The following RBM20 variants were observed in gnomAD, a reference collection of about 807,000 sequenced individuals.
The protein encoded by RBM20 is RNA binding motif protein 20, also known as RNA-binding protein 20.
RBM20 carries 51 observed loss-of-function variants against 110.1 expected under a neutral mutation model. The observed-to-expected ratio is 0.46, with a 90% CI of 0.37 to 0.59. The LOEUF (loss-of-function observed/expected upper bound fraction) is 0.59. Among genes scored for constraint, RBM20 ranks in the 20% least tolerant of loss-of-function variants. The pLI is 0.00. For missense variants in RBM20, 1,512 were observed against 1,574.9 expected (o/e 0.96, Z 0.68); for synonymous variants, 589 against 618.2 (o/e 0.95, Z 0.70).
At chr10:110,767,773 C>CGGCCG (rs1564840056) in intron 1 of RBM20, among the ~76,000 whole-genome samples, 1 of 152,068 alleles carries the variant, frequency 6.6e-6, no homozygotes, top group African/African-American at 2.4e-5. Context: ...GATGGGATGG[C>CGGCCG]AGCCGAGAAG....
intron 5 of RBM20, among the ~76,000 whole-genome samples, chr10:110,786,010 C>G (rs1251650460): frequency 6.6e-6 from 1 of 152,170 alleles, no homozygotes; most frequent in Non-Finnish European, 1.5e-5. Flanking sequence ...GTTTTGCTGT[C>G]TCTGCAACAT....
chr10:110,732,638 G>A (rs929556724), intron 1 of RBM20, among the ~76,000 whole-genome samples: 15 of 152,112 alleles, frequency 9.9e-5, no homozygotes, highest in African/African-American at 2.7e-4. Context: ...GTGAGTCACC[G>A]CCACATAAAT....
At chr10:110,741,640 G>T (rs548577069) in intron 1 of RBM20, among the ~76,000 whole-genome samples, 1 of 152,202 alleles carries the variant, frequency 6.6e-6, no homozygotes, top group East Asian at 1.9e-4. Context: ...CAAGCCTTCT[G>T]CCATTTGTCA....
Position 110,781,385 on chromosome 10 carries a change from G to T in RBM20, c.776G>T (p.Gly259Val), listed in dbSNP as rs940901720. Residue 259 changes from glycine (G) to valine (V), a missense_variant, in exon 2 of 14, where the codon GGC (glycine) becomes GTC (valine). Coordinates refer to ENST00000369519, the MANE Select transcript of RBM20 (RefSeq NM_001134363.3). The stretch of plus-strand genomic sequence containing the variant: ...CTGCCATCCTCGGCCTCAACCTCGG[G>T]CAGTGTGACCTATGAAGGGCACTAC... Reference protein sequence around the residue: ...GFLPSSASTSGSVTYEGHYSH... With the variant: ...GFLPSSASTSVSVTYEGHYSH... The T allele has an allele frequency of 7.7e-6, 12 of 1,551,686 alleles. No homozygotes were observed. Among genetic ancestry groups the T allele is most frequent in the Middle Eastern group, 1.7e-4 (1 of 5,992 alleles).
intron 1 of RBM20, among the ~76,000 whole-genome samples, chr10:110,673,650 G>A (rs781569213): frequency 6.6e-6 from 1 of 152,254 alleles, no homozygotes; most frequent in Non-Finnish European, 1.5e-5. Flanking sequence ...CAGGCGAGGA[G>A]AGCTTAGAAG....
chr10:110,732,293 C>T (rs1037938503), intron 1 of RBM20, among the ~76,000 whole-genome samples: 6 of 152,138 alleles, frequency 3.9e-5, no homozygotes, highest in African/African-American at 7.2e-5. Flanking sequence ...CTTTCTCTGA[C>T]GCGCTGTCAG....
chr10:110,788,337 A>G (rs1243677771), intron 5 of RBM20, among the ~76,000 whole-genome samples: 1 of 152,224 alleles, frequency 6.6e-6, no homozygotes, highest in African/African-American at 2.4e-5. Context: ...CCTGGTATCC[A>G]CATTCTTCTG....
In RBM20 at chr10:110,821,307, G is replaced by T. The variant is rs950962230; in HGVS notation, c.2688G>T (p.Glu896Asp). 4.5e-6 allele frequency: 7 copies of T among 1,551,570 alleles called. No homozygotes were observed. The African/African-American group carries it at 9.6e-5, about 21-fold the overall frequency. The change falls in exon 11 of 14, where the codon GAG (glutamate) becomes GAT (aspartate). Residue 896 changes from glutamate to aspartate, a missense_variant. Transcript: ENST00000369519. ...EQDWESESEA[E>D]GESWYPTNME... ...ATTGGGAGAGTGAAAGTGAGGCAGA[G>T]GGGGAGAGCTGGTATCCCACTAACA...
chr10:110,702,496 C>T (rs1039768471), intron 1 of RBM20, among the ~76,000 whole-genome samples: 1 of 152,072 alleles, frequency 6.6e-6, no homozygotes, highest in Admixed American at 6.5e-5. Flanking sequence ...GGATGGCGAC[C>T]GTGCACTGCA....
At chr10:110,648,905 ACATTATTCC>A (rs1466767261) in intron 1 of RBM20, among the ~76,000 whole-genome samples, 2 of 152,216 alleles carry the variant, frequency 1.3e-5, no homozygotes, top group African/African-American at 4.8e-5. Context: ...GAAATGTAGT[ACATTATTCC>A]CATTAGTCAC....
Position 110,644,811 on chromosome 10 carries a change from T to G in RBM20, c.191+166T>G, listed in dbSNP as rs1247470784. Among the ~76,000 whole-genome samples, 3 of 152,164 alleles carry G rather than the reference T, an allele frequency of 2.0e-5. No individual in the cohort carries two copies. The highest frequency in any genetic ancestry group is 4.4e-5 in the Non-Finnish European group (3 of 68,004). On this transcript the variant is annotated intron_variant, in intron 1 of 13. Transcript: ENST00000369519. This position sits in a 1 kb window ranked among gnomAD's most constrained non-coding sequence, Gnocchi z 4.3. ...CAGAGTCGGTGTCCTTCTGGCTGTT[T>G]GTTAGGCTGGAAAGAGGGGAGCCAA... is the stretch of plus-strand genomic sequence containing the variant.
intron 1 of RBM20, among the ~76,000 whole-genome samples, chr10:110,770,254 A>T (rs914605013): frequency 6.6e-6 from 1 of 152,138 alleles, no homozygotes; most frequent in Admixed American, 6.5e-5. Flanking sequence ...AATTTGAATT[A>T]CTGCTGTTAT....
intron 12 of RBM20, among the ~76,000 whole-genome samples, chr10:110,828,270 T>C (rs1215887272): frequency 2.6e-5 from 4 of 152,234 alleles, no homozygotes; most frequent in Non-Finnish European, 5.9e-5. Context: ...GCAATATGTC[T>C]TGATGCTGCC....
chr10:110,806,365 T>C (rs1844695310), intron 7 of RBM20, among the ~76,000 whole-genome samples: 1 of 152,040 alleles, frequency 6.6e-6, no homozygotes, highest in Non-Finnish European at 1.5e-5. Context: ...AACATGGCTG[T>C]GGAGGCCTCA....
At chr10:110,835,714 C>A in intron 13 of RBM20, 154 bp from the exon 14 acceptor site, 1 of 608,292 alleles carries the variant, frequency 1.6e-6, no homozygotes, top group Non-Finnish European at 2.8e-6. Flanking sequence ...AGTTCTGTAG[C>A]CCCAGTGGGG....
At chr10:110,689,041 C>A (rs376994801) in intron 1 of RBM20, among the ~76,000 whole-genome samples, 2 of 151,674 alleles carry the variant, frequency 1.3e-5, no homozygotes, top group East Asian at 3.9e-4. Flanking sequence ...AAAAATTAAA[C>A]TTTGTATTTT....
intron 1 of RBM20, among the ~76,000 whole-genome samples, chr10:110,720,453 T>C (rs1843492210): frequency 6.6e-6 from 1 of 152,226 alleles, no homozygotes; most frequent in Non-Finnish European, 1.5e-5. Flanking sequence ...GACTGGAACA[T>C]AGCCATGGGC....
intron 1 of RBM20, among the ~76,000 whole-genome samples, chr10:110,715,065 T>C (rs148333634): frequency 0.014 from 2,190 of 152,264 alleles, 60 homozygotes; most frequent in African/African-American, 0.05. Context: ...CTGGTCAACA[T>C]GGTGAAACCC....
intron 1 of RBM20, among the ~76,000 whole-genome samples, chr10:110,727,419 A>AAAAAAAAT (rs377734576): frequency 6.8e-6 from 1 of 146,726 alleles, no homozygotes; most frequent in African/African-American, 2.5e-5. Flanking sequence ...AAATAAAAAA[A>AAAAAAAAT]AAATAAATAA....
Sources: allele counts gnomAD v4.1 joint callset (sites outside exome capture counted in the v4.1 genomes callset), GRCh38; gene constraint gnomAD v4.1.1; non-coding constraint Gnocchi (gnomAD v3.1); transcripts MANE v1.5; gene names NCBI Gene and HGNC (gene_info 2026-07-23, HGNC 2026-07-21).